Variants in RUNDC3B observed in about 807,000 individuals in gnomAD.
The protein encoded by RUNDC3B is RUN domain-containing protein 3B.
In RUNDC3B, 33 loss-of-function variants were observed where a neutral mutation model predicts 58.4. That is an observed-to-expected ratio of 0.56 (90% CI 0.43 to 0.75). The LOEUF (loss-of-function observed/expected upper bound fraction) is 0.75, where lower values mean the gene tolerates loss of function less well. Among genes scored for constraint, RUNDC3B ranks in the 30% least tolerant of loss-of-function variants. The pLI is 0.00. For missense variants in RUNDC3B, 501 were observed against 535.7 expected, an observed-to-expected ratio of 0.94 and a Z score of 0.64; for synonymous variants, 193 against 195.2, an observed-to-expected ratio of 0.99 and a Z score of 0.10.
intron 2 of RUNDC3B, among the ~76,000 whole-genome samples, chr7:87,672,954 A>G (rs1188014423): frequency 6.6e-6 from 1 of 152,058 alleles, no homozygotes; most frequent in Non-Finnish European, 1.5e-5. Context: ...GTCTTTCTCT[A>G]TGAGAGCCAT....
chr7:87,816,343 A>T (rs900240699), intron 10 of RUNDC3B, 81 bp downstream of exon 10: 1 of 1,018,048 alleles, frequency 9.8e-7, no homozygotes, highest in Non-Finnish European at 1.5e-6. Flanking sequence ...GCCAGAGAAT[A>T]ATAGTGACAT....
intron 4 of RUNDC3B, among the ~76,000 whole-genome samples, chr7:87,738,100 A>G (rs904268243): frequency 1.3e-5 from 2 of 152,096 alleles, no homozygotes; most frequent in East Asian, 3.8e-4. Flanking sequence ...CTTTTCTTAT[A>G]TAAGAAGTAC....
At position 87,750,341 on chromosome 7, in the gene RUNDC3B, G is replaced by A. The variant is rs891338390; in HGVS notation, c.629+8762G>A. Among the ~76,000 whole-genome samples, 84 of 151,518 alleles carry A rather than the reference G, an allele frequency of 5.5e-4. 1 individual carries two copies. Among genetic ancestry groups the A allele is most frequent in the Middle Eastern group, 3.4e-3 (1 of 294 alleles). ...GTGAATAATGCCGCAATAAACATAC[G>A]TGTGCATGTGTCTTTATAGCAGCAT... On this transcript the variant is annotated intron_variant, in intron 6 of 10. Coordinates refer to ENST00000394654, the MANE Select transcript of RUNDC3B (RefSeq NM_001134405.2).
chr7:87,749,929 C>T (rs1832865871), intron 6 of RUNDC3B, among the ~76,000 whole-genome samples: 1 of 151,454 alleles, frequency 6.6e-6, no homozygotes, highest in African/African-American at 2.4e-5. Flanking sequence ...GCACAATGTG[C>T]AGGTTACTTA....
chr7:87,821,940 A>C (rs1837470706), intron 10 of RUNDC3B, among the ~76,000 whole-genome samples: 1 of 152,256 alleles, frequency 6.6e-6, no homozygotes, highest in South Asian at 2.1e-4. Flanking sequence ...TAAAAACCCT[A>C]GAAGAAAACC....
intron 2 of RUNDC3B, among the ~76,000 whole-genome samples, chr7:87,676,433 G>C (rs938515358): frequency 2.0e-5 from 3 of 152,036 alleles, no homozygotes; most frequent in Non-Finnish European, 4.4e-5. Context: ...AGGCGCAGTG[G>C]CTCACACCTA....
At chr7:87,690,476 T>C (rs1190074849) in intron 2 of RUNDC3B, among the ~76,000 whole-genome samples, 10 of 152,312 alleles carry the variant, frequency 6.6e-5, no homozygotes, top group Non-Finnish European at 1.3e-4. Flanking sequence ...AAGATGTTAA[T>C]ACCTACCACC....
intron 2 of RUNDC3B, among the ~76,000 whole-genome samples, chr7:87,682,758 T>C (rs931817897): frequency 2.6e-5 from 4 of 152,206 alleles, no homozygotes; most frequent in Non-Finnish European, 5.9e-5. Flanking sequence ...AATTCTTAAA[T>C]ACCCTAGGAT....
At chr7:87,813,637 T>C (rs1387450281) in intron 9 of RUNDC3B, among the ~76,000 whole-genome samples, 2 of 152,152 alleles carry the variant, frequency 1.3e-5, no homozygotes, top group Non-Finnish European at 2.9e-5. Context: ...AATGTATTTA[T>C]AACTACTTTT....
chr7:87,821,972 T>G lies in RUNDC3B; in HGVS notation c.1225+5710T>G, dbSNP rs1584289455. Among the ~76,000 whole-genome samples, 3 of 152,228 alleles carry G rather than the reference T, an allele frequency of 2.0e-5. No individual in the cohort carries two copies. The South Asian group carries it at 6.2e-4, about 32-fold the overall frequency. ...AACCTAGGCAATACCATTCAGGACA[T>G]AGGCATGGGCAAGGACTTCATGTCT... On this transcript the variant is annotated intron_variant, in intron 10 of 10. Coordinates refer to ENST00000394654, the MANE Select transcript of RUNDC3B (RefSeq NM_001134405.2).
In RUNDC3B at chr7:87,628,713, T is replaced by A; in HGVS notation, c.-111T>A. 1 of 645,110 alleles carries A rather than the reference T, an allele frequency of 1.6e-6. No homozygotes were observed. The highest frequency in any genetic ancestry group is 4.7e-4 in the Middle Eastern group (1 of 2,112). 40.0% of individuals were successfully genotyped at this position (645,110 alleles called of 1,614,324 possible). On this transcript the variant is annotated 5_prime_UTR_variant, in exon 1 of 11. Transcript: ENST00000394654. ...CCTTCCTCCCTCCAGGCTCCTTTCC[T>A]ACATCCTTCCCGCGCCCCCACGGTT...
intron 2 of RUNDC3B, among the ~76,000 whole-genome samples, chr7:87,671,739 T>C (rs1395695678): frequency 6.6e-6 from 1 of 152,130 alleles, no homozygotes; most frequent in Non-Finnish European, 1.5e-5. Flanking sequence ...CATGTGTTGG[T>C]AGAGCAGCTG....
At chr7:87,737,309 T>C (rs890202268) in intron 4 of RUNDC3B, among the ~76,000 whole-genome samples, 1 of 152,168 alleles carries the variant, frequency 6.6e-6, no homozygotes, top group Non-Finnish European at 1.5e-5. Flanking sequence ...GGCTCATTTA[T>C]TTTATGATCT....
At chr7:87,778,400 G>A (rs2130883997) in intron 8 of RUNDC3B, among the ~76,000 whole-genome samples, 1 of 146,260 alleles carries the variant, frequency 6.8e-6, no homozygotes, top group South Asian at 2.1e-4. Context: ...CCCTGATTGA[G>A]CCACAGCACT....
intron 8 of RUNDC3B, among the ~76,000 whole-genome samples, chr7:87,805,004 A>G (rs1174590488): frequency 6.6e-6 from 1 of 152,206 alleles, no homozygotes; most frequent in Non-Finnish European, 1.5e-5. Context: ...ACCACAATCA[A>G]TTCTTGTGCA....
At chr7:87,821,870 C>T (rs201355362) in intron 10 of RUNDC3B, among the ~76,000 whole-genome samples, 1 of 152,132 alleles carries the variant, frequency 6.6e-6, no homozygotes, top group Non-Finnish European at 1.5e-5. Flanking sequence ...CCCTTCCTTA[C>T]ACCTTATACA....
At position 87,724,587 on chromosome 7, in the gene RUNDC3B, A is replaced by G. The variant is rs1160675287; in HGVS notation, c.458+13932A>G. On this transcript the variant is annotated intron_variant, in intron 4 of 10. Transcript: ENST00000394654. The stretch of plus-strand genomic sequence containing the variant: ...ATTAGTTAAAAAATTTTCTTCCTGA[A>G]TCTGTAATAGAAAATAATAATAATA... Among the ~76,000 whole-genome samples the G allele has an allele frequency of 2.6e-5, 4 of 152,136 alleles. No homozygotes were observed. The East Asian group carries it at 7.7e-4, about 29-fold the overall frequency.
intron 4 of RUNDC3B, among the ~76,000 whole-genome samples, chr7:87,721,883 ATTAG>A (rs1428125747): frequency 3.3e-5 from 5 of 151,170 alleles, no homozygotes; most frequent in African/African-American, 1.2e-4. Context: ...ATGGGATATT[ATTAG>A]TTATTTTATA....
rs1303598653 is a variant in RUNDC3B, at chr7:87,752,791, GGTTTATCAGTTTTGTTGATCCTTTCAAA to G, written c.629+11213_629+11240del. 3.6e-3 allele frequency among the ~76,000 whole-genome samples: 554 copies of G among 151,884 alleles called. 3 individuals carry two copies. The highest frequency in any genetic ancestry group is 0.013 in the African/African-American group (529 of 41,394). On this transcript the variant is annotated intron_variant, in intron 6 of 10. Coordinates refer to ENST00000394654, the MANE Select transcript of RUNDC3B (RefSeq NM_001134405.2). Reference sequence around the variant, plus strand: ...TTTTTTCTTTATTAGTCTTGCTAGTGGTTTATCAGTTTTGTTGATCCTTTCAAAAAACCAGCTCCTGGATTCATTAATT... The same window carrying G: ...TTTTTTCTTTATTAGTCTTGCTAGTGAAACCAGCTCCTGGATTCATTAATT...
Sources: allele counts gnomAD v4.1 joint callset (sites outside exome capture counted in the v4.1 genomes callset), GRCh38; gene constraint gnomAD v4.1.1; transcripts MANE v1.5; gene names NCBI Gene and HGNC (gene_info 2026-07-23, HGNC 2026-07-21).